The following OSBPL8 variants were observed in gnomAD, a reference collection of about 807,000 sequenced individuals.
OSBPL8 encodes the protein oxysterol binding protein like 8, also known as oxysterol-binding protein-related protein 8.
A neutral mutation model predicts 125.5 loss-of-function variants in OSBPL8; 59 were observed. That is an observed-to-expected ratio of 0.47 (90% CI 0.38 to 0.58). The LOEUF (loss-of-function observed/expected upper bound fraction) is 0.58, where lower values mean the gene tolerates loss of function less well. OSBPL8 is among the 20% of genes least tolerant of loss of function. OSBPL8 has a pLI of 0.00. For missense variants in OSBPL8, 758 were observed against 1,047.8 expected, an observed-to-expected ratio of 0.72 and a Z score of 3.82; for synonymous variants, 330 against 338.9, an observed-to-expected ratio of 0.97 and a Z score of 0.29.
intron 2 of OSBPL8, among the ~76,000 whole-genome samples, chr12:76,484,180 C>T (rs1565935130): frequency 6.6e-6 from 1 of 152,176 alleles, no homozygotes; most frequent in African/African-American, 2.4e-5. Flanking sequence ...TTCCTTCCAT[C>T]CTGCCTTAAT....
chr12:76,398,064 A>G (rs188567093), intron 7 of OSBPL8, among the ~76,000 whole-genome samples, 167 bp from the exon 8 acceptor site: 1 of 152,336 alleles, frequency 6.6e-6, no homozygotes, highest in Admixed American at 6.5e-5. Context: ...CATGAAAATG[A>G]CATGGCTCTT....
intron 5 of OSBPL8, among the ~76,000 whole-genome samples, chr12:76,406,162 C>T (rs1954253905): frequency 6.6e-6 from 1 of 152,028 alleles, no homozygotes; most frequent in East Asian, 1.9e-4. Flanking sequence ...AAAAATCTGA[C>T]CTTTAGAGAT....
At chr12:76,483,315 C>A (rs1447447087) in intron 2 of OSBPL8, among the ~76,000 whole-genome samples, 2 of 151,034 alleles carry the variant, frequency 1.3e-5, no homozygotes, top group East Asian at 2.0e-4. Context: ...GTAATCCTAG[C>A]ACTTTGGGAG....
intron 4 of OSBPL8, among the ~76,000 whole-genome samples, chr12:76,426,663 A>C (rs531767891): frequency 6.6e-6 from 1 of 152,238 alleles, no homozygotes; most frequent in East Asian, 1.9e-4. Context: ...TATTATATTA[A>C]CTGTAAATGC....
chr12:76,495,096 T>C (rs1879140749), intron 1 of OSBPL8, among the ~76,000 whole-genome samples: 1 of 152,172 alleles, frequency 6.6e-6, no homozygotes, highest in Admixed American at 6.5e-5. Context: ...TGTTGGCTGG[T>C]AAGACATCTG....
intron 12 of OSBPL8, among the ~76,000 whole-genome samples, chr12:76,386,895 G>A (rs368933546): frequency 3.6e-4 from 54 of 152,008 alleles, no homozygotes; most frequent in South Asian, 2.1e-3. Context: ...CTGGGTCTTC[G>A]CTAAAGTAGT....
chr12:76,397,488 G>T (rs1953861655), intron 8 of OSBPL8, among the ~76,000 whole-genome samples: 2 of 152,054 alleles, frequency 1.3e-5, no homozygotes, highest in South Asian at 4.1e-4. Context: ...ATAAAAAGAT[G>T]CAATATAAAA....
chr12:76,482,718 G>T (rs1378502714), intron 2 of OSBPL8, among the ~76,000 whole-genome samples: 1 of 152,118 alleles, frequency 6.6e-6, no homozygotes, highest in African/African-American at 2.4e-5. Flanking sequence ...CCTCAATCAG[G>T]TCATAAAACT....
rs1468005013 is a variant in OSBPL8, at chr12:76,378,503, A to G, written c.1678T>C (p.Leu560=). 6.2e-7 allele frequency: 1 copy of G among 1,606,068 alleles called. No individual in the cohort carries two copies. Among genetic ancestry groups the G allele is most frequent in the South Asian group, 1.1e-5 (1 of 90,570 alleles). ...ATTACATAATCTTCACCTCTATTCA[A>G]GAAAGTTAACCGTGCTTCTCCCTCT... is the stretch of plus-strand genomic sequence containing the variant. ...ILEGEARLTF[L]NRGEDYVMTM... The change falls in exon 16 of 24, where the codon TTG becomes CTG. Residue 560 remains leucine, a synonymous_variant. Transcript: ENST00000261183.
intron 1 of OSBPL8, among the ~76,000 whole-genome samples, chr12:76,538,813 T>C (rs1253094194): frequency 6.6e-6 from 1 of 151,594 alleles, no homozygotes; most frequent in Non-Finnish European, 1.5e-5. Flanking sequence ...CCGGCTGTGG[T>C]GGCACATGTC....
At chr12:76,539,462 A>T (rs1950585162) in intron 1 of OSBPL8, among the ~76,000 whole-genome samples, 1 of 152,218 alleles carries the variant, frequency 6.6e-6, no homozygotes, top group Non-Finnish European at 1.5e-5. Context: ...ATGGACAAAG[A>T]TAAAAACAGA....
chr12:76,445,032 T>TGAAG (rs1320444784), intron 4 of OSBPL8, among the ~76,000 whole-genome samples: 3 of 152,212 alleles, frequency 2.0e-5, no homozygotes, highest in Non-Finnish European at 2.9e-5. Flanking sequence ...ATGTGTTCTC[T>TGAAG]GGTAATACAC....
chr12:76,487,726 T>G (rs1878305167), intron 1 of OSBPL8, 108 bp from the exon 2 acceptor site: 3 of 430,570 alleles, frequency 7.0e-6, no homozygotes, highest in Non-Finnish European at 1.2e-5. Flanking sequence ...TGAGGTTATT[T>G]GGAAATTCAA....
At chr12:76,493,355 A>C (rs1350411536) in intron 1 of OSBPL8, among the ~76,000 whole-genome samples, 5 of 152,198 alleles carry the variant, frequency 3.3e-5, no homozygotes. Context: ...GTTACTAATT[A>C]GCACCCTTTC....
intron 2 of OSBPL8, among the ~76,000 whole-genome samples, chr12:76,484,180 C>A (rs1565935130): frequency 6.6e-6 from 1 of 152,176 alleles, no homozygotes; most frequent in Non-Finnish European, 1.5e-5. Flanking sequence ...TTCCTTCCAT[C>A]CTGCCTTAAT....
chr12:76,492,914 A>C (rs1361271155), intron 1 of OSBPL8, among the ~76,000 whole-genome samples: 1 of 150,508 alleles, frequency 6.6e-6, no homozygotes, highest in Non-Finnish European at 1.5e-5. Context: ...GGATATATAG[A>C]TATATATAGA....
chr12:76,480,832 A>G (rs939008754), intron 2 of OSBPL8, among the ~76,000 whole-genome samples: 1 of 152,120 alleles, frequency 6.6e-6, no homozygotes, highest in Non-Finnish European at 1.5e-5. Context: ...AGATGTCCAC[A>G]CCCTAATCCC....
intron 4 of OSBPL8, among the ~76,000 whole-genome samples, chr12:76,437,773 C>T (rs912475730): frequency 1.3e-5 from 2 of 152,076 alleles, no homozygotes; most frequent in Non-Finnish European, 2.9e-5. Flanking sequence ...GTTGAATTTT[C>T]CTATCGTAAA....
chr12:76,449,484 A>G (rs752846069), intron 4 of OSBPL8, among the ~76,000 whole-genome samples: 16 of 152,210 alleles, frequency 1.1e-4, no homozygotes, highest in South Asian at 2.1e-4. Context: ...CACAAAAGCA[A>G]TCTTGGGTAA....
Sources: allele counts gnomAD v4.1 joint callset (sites outside exome capture counted in the v4.1 genomes callset), GRCh38; gene constraint gnomAD v4.1.1; transcripts MANE v1.5; gene names NCBI Gene and HGNC (gene_info 2026-07-23, HGNC 2026-07-21).